RBFOX1: variants seen among roughly 807,000 people sequenced by gnomAD.
RBFOX1 encodes RNA binding fox-1 homolog 1.
Under a neutral mutation model 57.7 loss-of-function variants are expected in RBFOX1, and 8 were observed. The ratio of observed to expected loss-of-function variants is 0.14; its 90% CI spans 0.08 to 0.25. The LOEUF (loss-of-function observed/expected upper bound fraction) is 0.25. Among genes scored for constraint, RBFOX1 ranks in the 10% least tolerant of loss-of-function variants. The pLI, the probability that RBFOX1 is intolerant of heterozygous loss-of-function variation, is 1.00. For synonymous variants in RBFOX1, 326 were observed against 222.4 expected, an observed-to-expected ratio of 1.47 and a Z score of -4.15; for missense variants, 611 against 548.5, an observed-to-expected ratio of 1.11 and a Z score of -1.14.
Position 7,333,047 on chromosome 16 carries a change from A to G in RBFOX1, c.28-185100A>G, listed in dbSNP as rs779418628. The G allele has an allele frequency of 5.6e-6, 9 of 1,613,914 alleles. No homozygotes were observed. Among genetic ancestry groups the G allele is most frequent in the South Asian group, 1.1e-5 (1 of 91,066 alleles). The stretch of plus-strand genomic sequence containing the variant: ...TCTCCTGCATCCTTATGGCGTGCCT[A>G]TGATTGTACCGGCAGCTCCTTACCT... On this transcript the variant is annotated intron_variant, in intron 4 of 15. Transcript: ENST00000550418.
chr16:6,753,764 A>G (rs532145651), intron 3 of RBFOX1, among the ~76,000 whole-genome samples: 1 of 152,018 alleles, frequency 6.6e-6, no homozygotes, highest in Non-Finnish European at 1.5e-5. Flanking sequence ...GATTTATGTG[A>G]TTCGTAGTGA....
At chr16:6,164,649 G>GT (rs34798258) in intron 1 of RBFOX1, among the ~76,000 whole-genome samples, 7,500 of 150,142 alleles carry the variant, frequency 0.05, 257 homozygotes, top group Non-Finnish European at 0.074. Flanking sequence ...GTTTTGTTTT[G>GT]TTTTTTTTTA....
In RBFOX1 at chr16:7,141,077, T is replaced by G. The variant is rs79778760; in HGVS notation, c.27+88979T>G. 7.6e-3 allele frequency among the ~76,000 whole-genome samples: 1,164 copies of G among 152,212 alleles called. 17 individuals carry two copies. The highest frequency in any genetic ancestry group is 0.026 in the African/African-American group (1,097 of 41,528). On this transcript the variant is annotated intron_variant, in intron 4 of 15. Transcript: ENST00000550418. ...AGCAAACCAGGGAACCTCCTGACGATGAGCTGGGGTGGTTTCTGAACCATG... is the reference window on the plus strand; with the variant it reads ...AGCAAACCAGGGAACCTCCTGACGAGGAGCTGGGGTGGTTTCTGAACCATG...
intron 4 of RBFOX1, among the ~76,000 whole-genome samples, chr16:7,079,197 C>G (rs1272603843): frequency 6.6e-6 from 1 of 152,086 alleles, no homozygotes; most frequent in East Asian, 1.9e-4. Context: ...TCTGCACCAT[C>G]CAGGCGCGGG....
chr16:7,533,526 A>T (rs1301290417), intron 5 of RBFOX1, among the ~76,000 whole-genome samples: 1 of 152,186 alleles, frequency 6.6e-6, no homozygotes, highest in Non-Finnish European at 1.5e-5. Context: ...CATTTAATAC[A>T]CTTCCCCTAC....
intron 1 of RBFOX1, among the ~76,000 whole-genome samples, chr16:5,255,271 T>A: frequency 6.6e-6 from 1 of 152,000 alleles, no homozygotes; most frequent in African/African-American, 2.4e-5. Context: ...GGACCCCGGA[T>A]AAATGCTCAA....
chr16:6,395,793 A>G (rs931017681), intron 2 of RBFOX1, among the ~76,000 whole-genome samples: 2 of 152,168 alleles, frequency 1.3e-5, no homozygotes, highest in Non-Finnish European at 2.9e-5. Flanking sequence ...GGCCTTGCAC[A>G]GTAGCTCACG....
chr16:6,830,326 T>C (rs1257756299), intron 3 of RBFOX1, among the ~76,000 whole-genome samples: 1 of 152,232 alleles, frequency 6.6e-6, no homozygotes, highest in South Asian at 2.1e-4. Context: ...TTATTCCTGG[T>C]TAGTTCCTAA....
At chr16:7,198,005 T>C (rs1363986692) in intron 4 of RBFOX1, among the ~76,000 whole-genome samples, 3 of 125,478 alleles carry the variant, frequency 2.4e-5, no homozygotes, top group Non-Finnish European at 5.1e-5. Flanking sequence ...TTTCTTTTTT[T>C]TTTTTTTTTT....
chr16:5,754,128 A>T (rs543481746), intron 3 of RBFOX1, among the ~76,000 whole-genome samples: 2 of 152,306 alleles, frequency 1.3e-5, no homozygotes, highest in African/African-American at 4.8e-5. Context: ...TAGCCATGCA[A>T]GTATTTTCCT....
intron 3 of RBFOX1, among the ~76,000 whole-genome samples, chr16:6,694,752 C>T (rs887846745): frequency 2.0e-5 from 3 of 152,174 alleles, no homozygotes; most frequent in Admixed American, 1.3e-4. Context: ...AAATGAATTC[C>T]AGCATTGCCT....
chr16:5,474,619 A>G (rs1327447749), intron 2 of RBFOX1, among the ~76,000 whole-genome samples: 1 of 151,476 alleles, frequency 6.6e-6, no homozygotes, highest in African/African-American at 2.4e-5. Flanking sequence ...GCGCCATTGC[A>G]CTCCAGCCTG....
At chr16:5,619,427 G>C (rs563897519) in intron 3 of RBFOX1, among the ~76,000 whole-genome samples, 67 of 152,146 alleles carry the variant, frequency 4.4e-4, no homozygotes, top group Non-Finnish European at 8.5e-4. Context: ...TGCTTTGCAA[G>C]GTAAGCTCTT....
At chr16:6,853,208 G>C (rs2094163324) in intron 3 of RBFOX1, among the ~76,000 whole-genome samples, 1 of 152,126 alleles carries the variant, frequency 6.6e-6, no homozygotes, top group South Asian at 2.1e-4. Context: ...TTTACCCTTA[G>C]GGCTTTTGTG....
At chr16:6,602,745 C>T (rs2097869385) in intron 2 of RBFOX1, among the ~76,000 whole-genome samples, 1 of 137,220 alleles carries the variant, frequency 7.3e-6, no homozygotes. Flanking sequence ...TTTCCACTTG[C>T]TGCTTTATCC....
chr16:7,588,320 T>G (rs1337474327), intron 7 of RBFOX1, among the ~76,000 whole-genome samples: 1 of 152,200 alleles, frequency 6.6e-6, no homozygotes, highest in Non-Finnish European at 1.5e-5. Flanking sequence ...TGATTAGAAA[T>G]GCAAGTTCTC....
At chr16:5,778,852 TG>T (rs1170772792) in intron 3 of RBFOX1, among the ~76,000 whole-genome samples, 1 of 152,142 alleles carries the variant, frequency 6.6e-6, no homozygotes, top group Non-Finnish European at 1.5e-5. Flanking sequence ...ATCTCAAAAA[TG>T]GGGCTGTTAT....
At chr16:7,332,796 G>A (rs1251708811) in intron 4 of RBFOX1, 44 of 1,394,744 alleles carry the variant, frequency 3.2e-5, no homozygotes, top group Admixed American at 1.8e-4. Context: ...GTGTCTCTTC[G>A]TCGTCTGGGA....
intron 2 of RBFOX1, among the ~76,000 whole-genome samples, chr16:6,504,702 C>G (rs949576681): frequency 6.6e-6 from 1 of 152,176 alleles, no homozygotes; most frequent in Non-Finnish European, 1.5e-5. Flanking sequence ...GAATTGCATA[C>G]TTGCAAGCTT....
Sources: gnomAD v4.1 joint callset for allele counts (sites outside exome capture counted in the v4.1 genomes callset) on GRCh38, gnomAD v4.1.1 for gene constraint, MANE v1.5 for transcripts, NCBI Gene and HGNC (gene_info 2026-07-23, HGNC 2026-07-21) for gene names.